PRKG1: variants seen among roughly 807,000 people sequenced by gnomAD.
The protein encoded by PRKG1 is cGMP-dependent protein kinase 1.
A neutral mutation model predicts 88.1 loss-of-function variants in PRKG1; 35 were observed. The ratio of observed to expected loss-of-function variants is 0.40; its 90% CI spans 0.30 to 0.53. The LOEUF is 0.53. Among genes scored for constraint, PRKG1 ranks in the 20% least tolerant of loss-of-function variants. The pLI is 0.59. For missense variants in PRKG1, 540 were observed against 839.8 expected, an observed-to-expected ratio of 0.64 and a Z score of 4.41; for synonymous variants, 303 against 292.5, an observed-to-expected ratio of 1.04 and a Z score of -0.37.
chr10:51,102,736 G>A (rs758858084), intron 1 of PRKG1, among the ~76,000 whole-genome samples: 37 of 152,164 alleles, frequency 2.4e-4, no homozygotes, highest in Non-Finnish European at 8.8e-5. Context: ...CCATCTATGT[G>A]AACAGGGCTT....
At chr10:51,997,208 C>T (rs1844469417) in intron 5 of PRKG1, among the ~76,000 whole-genome samples, 1 of 151,936 alleles carries the variant, frequency 6.6e-6, no homozygotes, top group South Asian at 2.1e-4. Flanking sequence ...CGCGGTGGCT[C>T]ACATCTGTAA....
intron 3 of PRKG1, among the ~76,000 whole-genome samples, chr10:51,554,225 T>TGC (rs1277393847): frequency 6.8e-6 from 1 of 147,462 alleles, no homozygotes; most frequent in African/African-American, 2.5e-5. Flanking sequence ...ATATTATATA[T>TGC]GCATATATGA....
intron 1 of PRKG1, among the ~76,000 whole-genome samples, chr10:51,039,911 T>C (rs1843398223): frequency 6.6e-6 from 1 of 152,178 alleles, no homozygotes; most frequent in Non-Finnish European, 1.5e-5. Flanking sequence ...TTCTTGATTG[T>C]TTATTCTGTT....
At chr10:52,080,463 C>T (rs761172960) in intron 7 of PRKG1, among the ~76,000 whole-genome samples, 19 of 152,034 alleles carry the variant, frequency 1.2e-4, no homozygotes, top group South Asian at 1.2e-3. Context: ...AAAAAAACTT[C>T]GTAAAGATGG....
At chr10:51,447,070 G>A (rs942895958) in intron 2 of PRKG1, among the ~76,000 whole-genome samples, 1 of 152,034 alleles carries the variant, frequency 6.6e-6, no homozygotes, top group African/African-American at 2.4e-5. Context: ...CATATACTGT[G>A]TGTTTTATAA....
At chr10:51,702,760 G>T (rs1213820487) in intron 3 of PRKG1, among the ~76,000 whole-genome samples, 1 of 151,882 alleles carries the variant, frequency 6.6e-6, no homozygotes, top group Admixed American at 6.6e-5. Context: ...GCGATGGCGT[G>T]ATCTTGGTTC....
chr10:50,992,089 T>G (rs1427323056), intron 1 of PRKG1, among the ~76,000 whole-genome samples: 1 of 150,916 alleles, frequency 6.6e-6, no homozygotes, highest in Non-Finnish European at 1.5e-5. Context: ...ACATGCTCAG[T>G]GGGGCTGTCC....
At chr10:51,985,760 T>A (rs1197650187) in intron 5 of PRKG1, among the ~76,000 whole-genome samples, 1 of 152,202 alleles carries the variant, frequency 6.6e-6, no homozygotes, top group Non-Finnish European at 1.5e-5. Flanking sequence ...AGTATTTGCT[T>A]CATTCTCTAC....
chr10:51,039,783 G>C (rs758105378), intron 1 of PRKG1, among the ~76,000 whole-genome samples: 12 of 152,116 alleles, frequency 7.9e-5, no homozygotes, highest in Non-Finnish European at 1.6e-4. Flanking sequence ...ATGGTAAGGG[G>C]TCTAGTTTTG....
rs555113995 is a variant in PRKG1, at chr10:52,175,552, T to G, written c.1076+13589T>G. ...ATCATATAGTCATTTTCTTTTTAGT[T>G]TTTTTCGTGGAACTTCATACTGTTC... On this transcript the variant is annotated intron_variant, in intron 9 of 17. Transcript: ENST00000373980. 2.0e-5 allele frequency among the ~76,000 whole-genome samples: 3 copies of G among 152,214 alleles called. No individual in the cohort carries two copies. In the East Asian group the frequency reaches 5.8e-4, roughly 29 times the overall value.
intron 2 of PRKG1, among the ~76,000 whole-genome samples, chr10:51,362,295 A>G (rs1028447615): frequency 2.0e-5 from 3 of 151,982 alleles, no homozygotes; most frequent in South Asian, 4.1e-4. Flanking sequence ...GGAGCCATAT[A>G]AAAATATTAA....
intron 3 of PRKG1, among the ~76,000 whole-genome samples, chr10:51,584,309 G>A (rs945593263): frequency 2.0e-5 from 3 of 151,862 alleles, no homozygotes; most frequent in African/African-American, 7.3e-5. Flanking sequence ...TTTGTGCCAG[G>A]GCCCTGTAGG....
At chr10:52,019,736 C>G (rs569901797) in intron 5 of PRKG1, among the ~76,000 whole-genome samples, 101 of 152,212 alleles carry the variant, frequency 6.6e-4, no homozygotes, top group African/African-American at 2.3e-3. Flanking sequence ...CATAAAATTA[C>G]CAAAATGGGT....
chr10:51,026,401 T>TTA (rs1843206531), intron 1 of PRKG1, among the ~76,000 whole-genome samples: 1 of 152,176 alleles, frequency 6.6e-6, no homozygotes, highest in Non-Finnish European at 1.5e-5. Flanking sequence ...ACCTCTTACA[T>TTA]TAGCTAGAGG....
intron 2 of PRKG1, among the ~76,000 whole-genome samples, chr10:51,429,835 G>T (rs1191496225): frequency 2.0e-5 from 3 of 150,930 alleles, no homozygotes; most frequent in African/African-American, 7.3e-5. Flanking sequence ...AAGAAGAAAA[G>T]AATATACAAG....
chr10:51,038,415 T>C (rs930189375), intron 1 of PRKG1, among the ~76,000 whole-genome samples: 94 of 152,308 alleles, frequency 6.2e-4, no homozygotes, highest in African/African-American at 2.2e-3. Context: ...AAATACTAAA[T>C]CTTATTCATT....
chr10:51,020,394 T>A (rs1164660827), intron 1 of PRKG1, among the ~76,000 whole-genome samples: 1 of 152,140 alleles, frequency 6.6e-6, no homozygotes, highest in Non-Finnish European at 1.5e-5. Flanking sequence ...TCAACACGTC[T>A]CCGTTTAACA....
intron 1 of PRKG1, among the ~76,000 whole-genome samples, chr10:51,128,883 G>A (rs1457798041): frequency 6.6e-6 from 1 of 152,122 alleles, no homozygotes; most frequent in East Asian, 1.9e-4. Flanking sequence ...ACGTTAATTC[G>A]ATGAAAGTTT....
At chr10:51,022,881 C>A (rs1383314401) in intron 1 of PRKG1, among the ~76,000 whole-genome samples, 1 of 152,086 alleles carries the variant, frequency 6.6e-6, no homozygotes, top group Non-Finnish European at 1.5e-5. Flanking sequence ...CCTATAATCC[C>A]AGCTACCTGG....
Sources: allele counts gnomAD v4.1 joint callset (sites outside exome capture counted in the v4.1 genomes callset), GRCh38; gene constraint gnomAD v4.1.1; transcripts MANE v1.5; gene names NCBI Gene and HGNC (gene_info 2026-07-23, HGNC 2026-07-21).